HMCN2: variants seen among roughly 807,000 people sequenced by gnomAD.
HMCN2 encodes the protein hemicentin 2.
In HMCN2, 325 loss-of-function variants were observed where a neutral mutation model predicts 377.5. The ratio of observed to expected loss-of-function variants is 0.86; its 90% CI spans 0.79 to 0.94. HMCN2 has a LOEUF of 0.94. Ranked by LOEUF, HMCN2 falls within the 40% of genes least tolerant of loss-of-function variation. The pLI, the probability that HMCN2 is intolerant of heterozygous loss-of-function variation, is 0.00. For missense variants in HMCN2, 4,543 were observed against 4,725.3 expected (o/e 0.96, Z 1.13); for synonymous variants, 2,007 against 2,046.8 (o/e 0.98, Z 0.53).
chr9:130,291,912 A>C (rs1835794167), intron 4 of HMCN2, among the ~76,000 whole-genome samples: 1 of 152,156 alleles, frequency 6.6e-6, no homozygotes, highest in Non-Finnish European at 1.5e-5. Context: ...CTTTGGTCTG[A>C]AGCCATCAGC....
chr9:130,425,078 TG>T lies in HMCN2; in HGVS notation c.13591del (p.Val4531SerfsTer177). 2.6e-6 allele frequency: 4 copies of T among 1,549,906 alleles called. No individual in the cohort carries two copies. The highest frequency in any genetic ancestry group is 3.5e-6 in the Non-Finnish European group (4 of 1,146,834). ...DPDGLLLLDV[V>X]VNGVVPESLA... ...GATGGCCTCCTGCTCCTCGACGTGG[TG>T]GTCAATGGCGTTGTCCCCGAGAGCC... On this transcript the variant is annotated frameshift_variant, in exon 89 of 98. Coordinates refer to ENST00000683500, the MANE Select transcript of HMCN2 (RefSeq NM_001291815.2). LOFTEE classifies it high-confidence loss of function.
intron 54 of HMCN2, among the ~76,000 whole-genome samples, chr9:130,380,065 G>A (rs1220653396): frequency 1.3e-5 from 2 of 152,034 alleles, no homozygotes; most frequent in Admixed American, 6.6e-5. Context: ...TAGTACAGAT[G>A]GGGTTTTTCC....
intron 82 of HMCN2, chr9:130,406,454 G>C (rs1468281202): frequency 6.4e-6 from 2 of 311,290 alleles, no homozygotes; most frequent in Non-Finnish European, 1.3e-5. Flanking sequence ...CAGAGCTGCT[G>C]CTCCCATTGT....
chr9:130,384,282 C>T, intron 57 of HMCN2, 91 bp from the exon 58 acceptor site: 2 of 1,082,194 alleles, frequency 1.8e-6, no homozygotes, highest in Non-Finnish European at 2.4e-6. Context: ...GCCCCAGGAG[C>T]TGGGTGAGGC....
At chr9:130,313,098 G>A (rs1441412174) in intron 15 of HMCN2, among the ~76,000 whole-genome samples, 1 of 145,864 alleles carries the variant, frequency 6.9e-6, no homozygotes, top group Non-Finnish European at 1.6e-5. Context: ...CTTAACTTTA[G>A]GTCAGGGAAG....
rs752972017 is a variant in HMCN2 at position 130,408,909 on chromosome 9, CT to C, written c.12856del (p.Ser4286ArgfsTer2). 7.8e-7 allele frequency: 1 copy of C among 1,289,438 alleles called. No individual in the cohort carries two copies. Among genetic ancestry groups the C allele is most frequent in the Non-Finnish European group, 1.0e-6 (1 of 988,786 alleles). 79.9% of individuals were successfully genotyped at this position (1,289,438 alleles called of 1,614,324 possible). A position where few individuals can be genotyped will look rare whatever the true frequency, so the allele number is the denominator to read the frequency against. On this transcript the variant is annotated frameshift_variant, in exon 84 of 98. Transcript: ENST00000683500. LOFTEE classifies it high-confidence loss of function. ...SHLRHQLQNGSLTIRRTERDD... is the reference protein window; with the variant it reads ...SHLRHQLQNGXLTIRRTERDD... ...ACCTCCGGCACCAGCTGCAGAATGGCTCGCTGACCATCCGCAGGACTGAGGC... is the reference window on the plus strand; with the variant it reads ...ACCTCCGGCACCAGCTGCAGAATGGCCGCTGACCATCCGCAGGACTGAGGC...
At chr9:130,284,446 C>G (rs566815682) in intron 1 of HMCN2, among the ~76,000 whole-genome samples, 157 bp from the exon 2 acceptor site, 3 of 152,214 alleles carry the variant, frequency 2.0e-5, no homozygotes, top group African/African-American at 7.2e-5. Flanking sequence ...CTGGTCTGAT[C>G]CTGCAGCTCC....
chr9:130,394,473 C>T lies in HMCN2; in HGVS notation c.10590C>T (p.Gly3530=), dbSNP rs892165149. 1.2e-5 allele frequency: 15 copies of T among 1,289,806 alleles called. No individual in the cohort carries two copies. The highest frequency in any genetic ancestry group is 1.5e-5 in the Non-Finnish European group (15 of 988,820). The allele number at this position is 1,289,806 out of a possible 1,614,324, so 79.9% of individuals were successfully genotyped here. Residue 3530 remains glycine (G), a synonymous_variant, in exon 69 of 98, where the codon GGC becomes GGT. Coordinates refer to ENST00000683500, the MANE Select transcript of HMCN2 (RefSeq NM_001291815.2). The surrounding 1 kb of genome is among the most constrained non-coding windows in gnomAD (Gnocchi z 5.1). The part of the protein sequence containing the change: ...APMELLCDAQ[G]TPQPNITWHK... ...TGGAGCTCCTCTGTGATGCCCAGGG[C>T]ACCCCCCAGCCCAACATCACCTGGC...
chr9:130,430,300 G>A lies in HMCN2; in HGVS notation c.14343G>A (p.Leu4781=), dbSNP rs1458024037. 17 of 1,540,310 alleles carry A rather than the reference G, an allele frequency of 1.1e-5. No individual in the cohort carries two copies. The highest frequency in any genetic ancestry group is 6.0e-5 in the South Asian group (5 of 83,996). Residue 4781 remains leucine, a synonymous_variant, in exon 95 of 98, where the codon CTG becomes CTA. Coordinates refer to ENST00000683500, the MANE Select transcript of HMCN2 (RefSeq NM_001291815.2). The part of the protein sequence containing the change: ...SLPCLDVNEC[L]QLPKACAYQC... ...CGTCTGCAGATGTCAATGAGTGCCT[G>A]CAGCTGCCCAAGGCCTGCGCCTACC...
chr9:130,282,902 CT>C (rs1381685799), intron 1 of HMCN2, among the ~76,000 whole-genome samples: 1 of 152,108 alleles, frequency 6.6e-6, no homozygotes, highest in Non-Finnish European at 1.5e-5. Context: ...GAAACCCCGT[CT>C]CTACTAAAAA....
At chr9:130,398,879 G>A (rs1308655178) in intron 75 of HMCN2, among the ~76,000 whole-genome samples, 172 bp downstream of exon 75, 4 of 152,178 alleles carry the variant, frequency 2.6e-5, no homozygotes, top group Admixed American at 6.5e-5. Context: ...CACTGAGATA[G>A]GGGTGAGGGC....
At chr9:130,391,683 C>T (rs190960475) in intron 65 of HMCN2, 109 bp downstream of exon 65, 3 of 941,170 alleles carry the variant, frequency 3.2e-6, no homozygotes, top group Non-Finnish European at 3.8e-6. Flanking sequence ...GTCTCACTTC[C>T]CTGGGCCTCC....
At chr9:130,432,928 G>C in intron 97 of HMCN2, 1 of 360,912 alleles carries the variant, frequency 2.8e-6, no homozygotes. Context: ...CGGGTGACCT[G>C]CCCCAGGCCT....
chr9:130,313,512 A>G lies in HMCN2; in HGVS notation c.2350+3451A>G, dbSNP rs985317676. 3.1e-3 allele frequency among the ~76,000 whole-genome samples: 471 copies of G among 152,306 alleles called. 4 individuals carry two copies. Among genetic ancestry groups the G allele is most frequent in the African/African-American group, 0.011 (451 of 41,578 alleles). ...TCGTCTGTGAAACGAGGAGGGTGGT[A>G]GCAGAGCTGTGCTCATAGGGCCCTC... On this transcript the variant is annotated intron_variant, in intron 15 of 97. Coordinates refer to ENST00000683500, the MANE Select transcript of HMCN2 (RefSeq NM_001291815.2).
intron 34 of HMCN2, 47 bp downstream of exon 34, chr9:130,356,304 C>T: frequency 2.4e-6 from 3 of 1,258,782 alleles, no homozygotes; most frequent in Non-Finnish European, 3.1e-6. Flanking sequence ...CCTGAGATGC[C>T]AGGGGTGGGT....
At chr9:130,309,883 G>A (rs117309685) in intron 14 of HMCN2, 29 bp from the exon 15 acceptor site, 15,634 of 454,358 alleles carry the variant, frequency 0.034, 355 homozygotes, top group Non-Finnish European at 0.045. Context: ...CAGGGACACC[G>A]GCCTGATGCT....
At chr9:130,355,970 G>T in intron 33 of HMCN2, 116 bp downstream of exon 33, 1 of 906,326 alleles carries the variant, frequency 1.1e-6, no homozygotes, top group Non-Finnish European at 1.5e-6. Flanking sequence ...TAGGAAAGAG[G>T]CCTGGAGCCA....
At chr9:130,283,822 G>C (rs2131272976) in intron 1 of HMCN2, among the ~76,000 whole-genome samples, 1 of 152,338 alleles carries the variant, frequency 6.6e-6, no homozygotes, top group East Asian at 1.9e-4. Context: ...CCAGATGATG[G>C]ACATCTGGCT....
intron 23 of HMCN2, chr9:130,338,655 C>T (rs1467150704): frequency 2.6e-5 from 4 of 152,306 alleles, no homozygotes; most frequent in Admixed American, 6.5e-5. Flanking sequence ...CCCTGGGGCT[C>T]ATTCAAAGGG....
Sources: allele counts gnomAD v4.1 joint callset (sites outside exome capture counted in the v4.1 genomes callset), GRCh38; gene constraint gnomAD v4.1.1; non-coding constraint Gnocchi (gnomAD v3.1); transcripts MANE v1.5; gene names NCBI Gene and HGNC (gene_info 2026-07-23, HGNC 2026-07-21).